The following PCDH10 variants were observed in gnomAD, a reference collection of about 807,000 sequenced individuals.
PCDH10 encodes the protein protocadherin-10.
Under a neutral mutation model 74.4 loss-of-function variants are expected in PCDH10, and 15 were observed. That is an observed-to-expected ratio of 0.20 (90% CI 0.13 to 0.31). PCDH10 has a LOEUF of 0.31. PCDH10 is among the 10% of genes least tolerant of loss of function. The probability of loss-of-function intolerance (pLI) is 1.00; values close to 1 mark genes in which losing one functional copy is unlikely to be tolerated. For missense variants in PCDH10, 1,260 were observed against 1,390.2 expected, an observed-to-expected ratio of 0.91 and a Z score of 1.49; for synonymous variants, 619 against 589.8, an observed-to-expected ratio of 1.05 and a Z score of -0.72.
chr4:133,184,156 A>G (rs959266735), intron 4 of PCDH10, among the ~76,000 whole-genome samples: 3 of 152,148 alleles, frequency 2.0e-5, no homozygotes, highest in African/African-American at 7.2e-5. Flanking sequence ...AATAAAGTTT[A>G]CATATAGTAC....
At chr4:133,172,151 T>C (rs942422066) in intron 4 of PCDH10, among the ~76,000 whole-genome samples, 1 of 152,030 alleles carries the variant, frequency 6.6e-6, no homozygotes, top group African/African-American at 2.4e-5. Flanking sequence ...ATCCAAACAC[T>C]GATACAACTG....
At chr4:133,165,101 A>AAT (rs1318038323) in intron 4 of PCDH10, among the ~76,000 whole-genome samples, 4 of 148,602 alleles carry the variant, frequency 2.7e-5, no homozygotes, top group African/African-American at 7.4e-5. Flanking sequence ...TATATATATG[A>AAT]ATATACATAT....
chr4:133,167,135 TA>T (rs557129208), intron 4 of PCDH10, among the ~76,000 whole-genome samples: 51 of 151,518 alleles, frequency 3.4e-4, no homozygotes, highest in African/African-American at 1.2e-3. Flanking sequence ...ATATGATGAT[TA>T]AAAAAATAAA....
intron 2 of PCDH10, among the ~76,000 whole-genome samples, chr4:133,199,950 G>A (rs1488717298): frequency 4.6e-5 from 7 of 150,884 alleles, no homozygotes; most frequent in Middle Eastern, 3.5e-3. Context: ...GGTGCACGCC[G>A]CCACGCCCAG....
chr4:133,150,423 C>T lies in PCDH10; in HGVS notation c.283C>T (p.Leu95=), dbSNP rs765655586. ...CKQSPSCVLH[L]EVFLENPLEL... The stretch of plus-strand genomic sequence containing the variant: ...ACAGAGCCCCTCCTGTGTCCTGCAC[C>T]TGGAGGTCTTTCTGGAGAACCCCCT... The change falls in exon 1 of 5, where the codon CTG becomes TTG. Residue 95 remains leucine (L), a synonymous_variant. Coordinates refer to ENST00000264360, the MANE Select transcript of PCDH10 (RefSeq NM_032961.3). 1.2e-6 allele frequency: 2 copies of T among 1,614,042 alleles called. No individual in the cohort carries two copies. The highest frequency in any genetic ancestry group is 1.1e-5 in the South Asian group (1 of 91,080).
chr4:133,166,408 T>G (rs1727082441), intron 4 of PCDH10, among the ~76,000 whole-genome samples: 1 of 151,568 alleles, frequency 6.6e-6, no homozygotes, highest in African/African-American at 2.4e-5. Context: ...TAAAATAACA[T>G]TGCATTTTTA....
chr4:133,163,210 A>G lies in PCDH10; in HGVS notation c.3031A>G (p.Ser1011Gly). 1.2e-6 allele frequency: 2 copies of G among 1,614,174 alleles called. No individual in the cohort carries two copies. The highest frequency in any genetic ancestry group is 1.7e-5 in the Admixed American group (1 of 60,004). The change falls in exon 4 of 5, where the codon AGC becomes GGC. Residue 1011 changes from serine (S) to glycine (G), a missense_variant. This residue lies in a region of PCDH10 where 136 missense variants were observed against 149.3 expected (regional missense o/e 0.91). Transcript: ENST00000264360. ...CTTTGGCAAAGAGAAGGCCCTTCAC[A>G]GCACTCTGGAGAGGAAGGAGCTGGA... The part of the protein sequence containing the change: ...STFGKEKALH[S>G]TLERKELDGL...
At chr4:133,178,382 A>T (rs577598843) in intron 4 of PCDH10, among the ~76,000 whole-genome samples, 411 of 152,022 alleles carry the variant, frequency 2.7e-3, no homozygotes, top group Non-Finnish European at 3.9e-3. Context: ...GATTACAGGC[A>T]TGCACCACCA....
intron 1 of PCDH10, 71 bp downstream of exon 1, chr4:133,152,842 G>C (rs773212606): frequency 1.3e-6 from 2 of 1,595,356 alleles, no homozygotes; most frequent in East Asian, 4.5e-5. Context: ...CCCGGCCCTT[G>C]TATCTCTGGT....
At position 133,163,209 on chromosome 4, in the gene PCDH10, C is replaced by T. The variant is rs200795117; in HGVS notation, c.3030C>T (p.His1010=). ...CCTTTGGCAAAGAGAAGGCCCTTCA[C>T]AGCACTCTGGAGAGGAAGGAGCTGG... ...FSTFGKEKAL[H]STLERKELDG... is the part of the protein sequence containing the mutation. Residue 1010 remains histidine (H), a synonymous_variant, in exon 4 of 5, where the codon CAC becomes CAT. Coordinates refer to ENST00000264360, the MANE Select transcript of PCDH10 (RefSeq NM_032961.3). 1.5e-4 allele frequency: 239 copies of T among 1,614,106 alleles called. No homozygotes were observed. In the Middle Eastern group the frequency reaches 2.5e-3, roughly 17 times the overall value.
chr4:133,199,903 T>C (rs1434988287), intron 2 of PCDH10, among the ~76,000 whole-genome samples: 1 of 151,080 alleles, frequency 6.6e-6, no homozygotes, highest in Non-Finnish European at 1.5e-5. Context: ...GTTCACGCCA[T>C]TCTGCTGCCT....
Position 133,190,179 on chromosome 4 carries a change from C to A in PCDH10, c.*19C>A, listed in dbSNP as rs368483019. The A allele has an allele frequency of 5.6e-6, 9 of 1,607,860 alleles. No homozygotes were observed. The highest frequency in any genetic ancestry group is 6.8e-6 in the Non-Finnish European group (8 of 1,174,706). On this transcript the variant is annotated 3_prime_UTR_variant, in exon 5 of 5. Coordinates refer to ENST00000264360, the MANE Select transcript of PCDH10 (RefSeq NM_032961.3). ...ATGCTAGTCAATTCTACAGGACTTA[C>A]CTGAAGCAGCATGATTTGCACAAAG...
chr4:133,207,247 C>G (rs4302476), intron 2 of PCDH10, among the ~76,000 whole-genome samples: 141,656 of 152,022 alleles, frequency 0.93, 66,001 homozygotes, highest in Middle Eastern at 0.95. Flanking sequence ...ACTCAATATC[C>G]CTTTTTGGTC....
rs146081651 is a variant in PCDH10 at position 133,204,618 on chromosome 4, T to G, written n.438-3458T>G. Among the ~76,000 whole-genome samples the G allele has an allele frequency of 7.6e-4, 116 of 152,282 alleles. 1 individual carries two copies. The South Asian group carries it at 0.014, about 18-fold the overall frequency. On this transcript the variant is annotated intron_variant and non_coding_transcript_variant, in intron 2 of 2. Transcript: ENST00000511112. ...ACAAAGTGGTGCTGGAACCAATTAG[T>G]GGTTTGTTCCAATTTGGCCTTCCCA...
intron 4 of PCDH10, among the ~76,000 whole-genome samples, chr4:133,167,909 ATGG>A (rs1208052054): frequency 1.3e-5 from 2 of 151,388 alleles, no homozygotes; most frequent in Non-Finnish European, 3.0e-5. Flanking sequence ...TAGGAAACAA[ATGG>A]TAACTTGACA....
chr4:133,182,594 G>A (rs372095072), intron 4 of PCDH10, among the ~76,000 whole-genome samples: 3 of 151,996 alleles, frequency 2.0e-5, no homozygotes, highest in African/African-American at 7.2e-5. Context: ...AGTGGACTCT[G>A]ATGAAGGATT....
intron 2 of PCDH10, among the ~76,000 whole-genome samples, chr4:133,206,180 G>A (rs965478565): frequency 1.3e-5 from 2 of 152,100 alleles, no homozygotes; most frequent in Admixed American, 1.3e-4. Context: ...TCTTCTGCCT[G>A]GAGGTGTAAG....
rs1370792000 is a variant in PCDH10 at position 133,192,097 on chromosome 4, T to A, written c.*1937T>A. On this transcript the variant is annotated 3_prime_UTR_variant, in exon 5 of 5. Transcript: ENST00000264360. Reference sequence around the variant, plus strand: ...TATCATATTCCAATCAGTTCATATATCAAAATAATGTATGTAATGTTCCAG... The same window carrying A: ...TATCATATTCCAATCAGTTCATATAACAAAATAATGTATGTAATGTTCCAG... 1 of 151,608 alleles carries A rather than the reference T, an allele frequency of 6.6e-6. No individual in the cohort carries two copies. The highest frequency in any genetic ancestry group is 1.5e-5 in the Non-Finnish European group (1 of 67,656). The allele number at this position is 151,608 out of a possible 1,614,324, so 9.4% of individuals were successfully genotyped here.
Position 133,151,428 on chromosome 4 carries a change from A to C in PCDH10, c.1288A>C (p.Thr430Pro), listed in dbSNP as rs1578556316. ...GGACCGAGAGGCGGGGGACTCCTACACCCTGACTGTAGTGGCTCGGGACCG... is the reference window on the plus strand; with the variant it reads ...GGACCGAGAGGCGGGGGACTCCTACCCCCTGACTGTAGTGGCTCGGGACCG... The part of the protein sequence containing the change: ...PLDREAGDSY[T>P]LTVVARDRGE... The change falls in exon 1 of 5, where the codon ACC becomes CCC. Residue 430 changes from threonine to proline, a missense_variant. Physicochemically the swap from Thr to Pro is conservative, Grantham distance 38. This residue lies in a region of PCDH10 where 112 missense variants were observed against 123.6 expected (regional missense o/e 0.91). Transcript: ENST00000264360. The C allele has an allele frequency of 1.2e-6, 2 of 1,613,732 alleles. No homozygotes were observed. The highest frequency in any genetic ancestry group is 1.7e-6 in the Non-Finnish European group (2 of 1,179,954).
Sources: gnomAD v4.1 joint callset for allele counts (sites outside exome capture counted in the v4.1 genomes callset) on GRCh38, gnomAD v4.1.1 for gene constraint, gnomAD v4.1.1 regional missense constraint, MANE v1.5 for transcripts, NCBI Gene and HGNC (gene_info 2026-07-23, HGNC 2026-07-21) for gene names.